The following TMEM38B variants were observed in gnomAD, a reference collection of about 807,000 sequenced individuals.
TMEM38B encodes the protein transmembrane protein 38B, also known as trimeric intracellular cation channel type B.
A neutral mutation model predicts 28.7 loss-of-function variants in TMEM38B; 24 were observed. That is an observed-to-expected ratio of 0.84 (90% confidence interval 0.61 to 1.18). TMEM38B has a LOEUF of 1.18. TMEM38B is among the 50% of genes most tolerant of loss of function. The pLI is 0.00. For synonymous variants in TMEM38B, 131 were observed against 127.7 expected (o/e 1.03, Z -0.17); for missense variants, 380 against 350.9 (o/e 1.08, Z -0.66).
At chr9:105,721,852 C>A (rs1241851919) in intron 3 of TMEM38B, 131 bp downstream of exon 3, 1 of 680,422 alleles carries the variant, frequency 1.5e-6, no homozygotes, top group Non-Finnish European at 2.2e-6. Context: ...AGGTAAAAAC[C>A]TTGTTTCTGT....
intron 2 of TMEM38B, among the ~76,000 whole-genome samples, chr9:105,715,059 CAT>C (rs1430523462): frequency 5.3e-5 from 8 of 152,078 alleles, no homozygotes; most frequent in African/African-American, 1.9e-4. Flanking sequence ...TTCTTAAGGA[CAT>C]AGGATGTGAT....
intron 2 of TMEM38B, chr9:105,710,747 G>T: frequency 1.7e-6 from 1 of 588,438 alleles, no homozygotes; most frequent in Non-Finnish European, 3.3e-6. Flanking sequence ...CTGACAAACA[G>T]AGACATGTTG....
chr9:105,698,917 C>G (rs1835371110), intron 1 of TMEM38B, among the ~76,000 whole-genome samples: 1 of 152,030 alleles, frequency 6.6e-6, no homozygotes, highest in Admixed American at 6.6e-5. Context: ...ATTTATGTCT[C>G]TCTCAGGAAT....
rs141356793 is a variant in TMEM38B at position 105,731,295 on chromosome 9, T to TTTA, written c.542+8700_542+8702dup. Among the ~76,000 whole-genome samples the TTTA allele has an allele frequency of 7.3e-3, 1,094 of 149,600 alleles. 5 individuals are homozygous for TTTA. Among genetic ancestry groups the TTTA allele is most frequent in the South Asian group, 0.023 (110 of 4,738 alleles). On this transcript the variant is annotated intron_variant, in intron 4 of 5. Transcript: ENST00000374692. Reference sequence around the variant, plus strand: ...GTTCTCATTGGTTTCAAAGAACATCTTTATTATTATTATTATTATTATTAT... The same window carrying TTTA: ...GTTCTCATTGGTTTCAAAGAACATCTTTATTATTATTATTATTATTATTATTAT...
chr9:105,711,694 C>T (rs541926345), intron 2 of TMEM38B, among the ~76,000 whole-genome samples: 6 of 151,924 alleles, frequency 3.9e-5, no homozygotes, highest in South Asian at 2.1e-4. Context: ...GTGACGCATG[C>T]CTGTAGTCCC....
At chr9:105,764,331 C>G (rs1474399255) in intron 5 of TMEM38B, among the ~76,000 whole-genome samples, 3 of 152,104 alleles carry the variant, frequency 2.0e-5, no homozygotes, top group Non-Finnish European at 4.4e-5. Context: ...ATCTAGAAAA[C>G]CCCATTGTCT....
chr9:105,718,171 TG>T (rs1191282844), intron 2 of TMEM38B, among the ~76,000 whole-genome samples: 1 of 152,154 alleles, frequency 6.6e-6, no homozygotes, highest in African/African-American at 2.4e-5. Context: ...AAAGACATAG[TG>T]TATTTTACTA....
At chr9:105,705,554 A>C (rs1437810379) in intron 1 of TMEM38B, 43 bp from the exon 2 acceptor site, 3 of 1,544,578 alleles carry the variant, frequency 1.9e-6, no homozygotes, top group Non-Finnish European at 8.8e-7. Flanking sequence ...TTGTTTAATA[A>C]ATGTATAATG....
At chr9:105,765,795 CTTTTT>C (rs1164202698) in intron 5 of TMEM38B, among the ~76,000 whole-genome samples, 1 of 151,688 alleles carries the variant, frequency 6.6e-6, no homozygotes, top group African/African-American at 2.4e-5. Flanking sequence ...CACATATTTT[CTTTTT>C]TTTCTTTTTT....
At chr9:105,750,754 T>G (rs1471571706) in intron 5 of TMEM38B, among the ~76,000 whole-genome samples, 2 of 152,270 alleles carry the variant, frequency 1.3e-5, no homozygotes, top group Non-Finnish European at 2.9e-5. Context: ...CTATATTTTC[T>G]TCAAGAGTTT....
At chr9:105,746,978 C>T (rs183002068) in intron 4 of TMEM38B, among the ~76,000 whole-genome samples, 14 of 152,204 alleles carry the variant, frequency 9.2e-5, no homozygotes, top group Admixed American at 3.3e-4. Flanking sequence ...TTCGGTTTGC[C>T]AGTATTTTAT....
chr9:105,748,544 C>A (rs1037546641), intron 5 of TMEM38B, among the ~76,000 whole-genome samples: 1 of 152,136 alleles, frequency 6.6e-6, no homozygotes, highest in South Asian at 2.1e-4. Flanking sequence ...TTCCTTTAAG[C>A]TCTAAAATTT....
At position 105,750,859 on chromosome 9, in the gene TMEM38B, A is replaced by G. The variant is rs73520071; in HGVS notation, c.660+2669A>G. Among the ~76,000 whole-genome samples the G allele has an allele frequency of 5.3e-5, 8 of 152,290 alleles. No homozygotes were observed. The South Asian group carries it at 1.2e-3, about 24-fold the overall frequency. On this transcript the variant is annotated intron_variant, in intron 5 of 5. Transcript: ENST00000374692. ...ACAGTCCAAGTTTTCTCATGTGGAT[A>G]TATAGTTGTCTGAGCACTATTTATT...
intron 4 of TMEM38B, among the ~76,000 whole-genome samples, chr9:105,726,722 A>G (rs1285990825): frequency 6.6e-6 from 1 of 152,162 alleles, no homozygotes; most frequent in African/African-American, 2.4e-5. Context: ...CTATCTTTTA[A>G]TTGGAGGGCT....
intron 4 of TMEM38B, among the ~76,000 whole-genome samples, chr9:105,740,245 A>C (rs1837148730): frequency 6.9e-6 from 1 of 144,790 alleles, no homozygotes; most frequent in Admixed American, 7.3e-5. Flanking sequence ...TCCTTCATTA[A>C]ATTTATTCCT....
intron 4 of TMEM38B, among the ~76,000 whole-genome samples, chr9:105,747,178 A>G (rs1252521248): frequency 2.0e-5 from 3 of 152,328 alleles, no homozygotes; most frequent in African/African-American, 7.2e-5. Flanking sequence ...TACCTCTGGT[A>G]GAATTTGGCT....
intron 2 of TMEM38B, among the ~76,000 whole-genome samples, chr9:105,716,699 C>T (rs2133570298): frequency 8.3e-6 from 1 of 120,556 alleles, no homozygotes; most frequent in African/African-American, 3.8e-5. Flanking sequence ...ACCAATCCCT[C>T]CTCCTCGTCA....
intron 1 of TMEM38B, among the ~76,000 whole-genome samples, chr9:105,704,113 A>G (rs189233831): frequency 2.6e-5 from 4 of 152,164 alleles, no homozygotes; most frequent in Admixed American, 1.3e-4. Flanking sequence ...GGATAGCATC[A>G]GGCGATATAC....
At chr9:105,741,163 A>G (rs1837188887) in intron 4 of TMEM38B, among the ~76,000 whole-genome samples, 3 of 152,188 alleles carry the variant, frequency 2.0e-5, no homozygotes, top group African/African-American at 4.8e-5. Flanking sequence ...TGAAAAAGAC[A>G]AGGAATGGAT....
Sources: gnomAD v4.1 joint callset for allele counts (sites outside exome capture counted in the v4.1 genomes callset) on GRCh38, gnomAD v4.1.1 for gene constraint, MANE v1.5 for transcripts, NCBI Gene and HGNC (gene_info 2026-07-23, HGNC 2026-07-21) for gene names.